The following AKAP13 variants were observed in gnomAD, a reference collection of about 807,000 sequenced individuals.
AKAP13 encodes the protein A-kinase anchor protein 13.
Under a neutral mutation model 264.5 loss-of-function variants are expected in AKAP13, and 80 were observed. The ratio of observed to expected loss-of-function variants is 0.30; its 90% CI spans 0.25 to 0.36. AKAP13 has a LOEUF of 0.36. AKAP13 is among the 10% of genes least tolerant of loss of function. AKAP13 has a pLI of 1.00. For synonymous variants in AKAP13, 1,380 were observed against 1,250.2 expected, an observed-to-expected ratio of 1.10 and a Z score of -2.19; for missense variants, 3,712 against 3,435.2, an observed-to-expected ratio of 1.08 and a Z score of -2.01.
At position 85,579,192 on chromosome 15, in the gene AKAP13, G is replaced by T. The variant is rs757003460; in HGVS notation, c.1124G>T (p.Gly375Val). The change falls in exon 7 of 37, where the codon GGC becomes GTC. Residue 375 changes from glycine to valine, a missense_variant. This residue lies in a region of AKAP13 where 2,759 missense variants were observed against 2,411.7 expected (regional missense o/e 1.14). Transcript: ENST00000394518. ...CGTTCCTGTAGGAAGAAAAATAAAG[G>T]CGTGGAAAGAAAAGGGGAAGAGGTG... ...TDRSCRKKNK[G>V]VERKGEEVEP... 6.2e-7 allele frequency: 1 copy of T among 1,614,212 alleles called. No homozygotes were observed. Among genetic ancestry groups the T allele is most frequent in the East Asian group, 2.2e-5 (1 of 44,886 alleles).
intron 8 of AKAP13, among the ~76,000 whole-genome samples, chr15:85,610,416 G>A (rs984468356): frequency 2.6e-5 from 4 of 152,160 alleles, no homozygotes; most frequent in Non-Finnish European, 4.4e-5. Flanking sequence ...GTATTCAAGT[G>A]TTCTATTTTG....
chr15:85,504,501 T>TAAAAAAAAAAAAAAAA, intron 2 of AKAP13, among the ~76,000 whole-genome samples: 1 of 28,668 alleles, frequency 3.5e-5, no homozygotes. Context: ...ACCCTGTCTT[T>TAAAAAAAAAAAAAAAA]ACAAAAAAAA....
At chr15:85,486,048 A>AT (rs1424321938) in intron 2 of AKAP13, among the ~76,000 whole-genome samples, 6 of 152,174 alleles carry the variant, frequency 3.9e-5, no homozygotes, top group Non-Finnish European at 8.8e-5. Context: ...GTAGCTTCTT[A>AT]TTTTTTACCT....
chr15:85,617,107 G>C (rs903835129), intron 8 of AKAP13, among the ~76,000 whole-genome samples: 1 of 152,194 alleles, frequency 6.6e-6, no homozygotes, highest in African/African-American at 2.4e-5. Flanking sequence ...ACTTCCTGAA[G>C]ACAGACACCT....
chr15:85,442,755 A>G (rs2073755316), intron 1 of AKAP13, among the ~76,000 whole-genome samples: 1 of 151,622 alleles, frequency 6.6e-6, no homozygotes, highest in Non-Finnish European at 1.5e-5. Context: ...TGCAATTGAA[A>G]TAGGGACTCT....
chr15:85,443,461 C>G (rs992945308), intron 1 of AKAP13, among the ~76,000 whole-genome samples: 3 of 152,158 alleles, frequency 2.0e-5, no homozygotes, highest in Non-Finnish European at 2.9e-5. Flanking sequence ...GTAAAATGAA[C>G]TACCTACTCA....
chr15:85,519,989 T>C (rs1459443525), intron 2 of AKAP13, among the ~76,000 whole-genome samples: 1 of 152,194 alleles, frequency 6.6e-6, no homozygotes, highest in Non-Finnish European at 1.5e-5. Context: ...CAGCCTTCTC[T>C]AGATTGATTT....
chr15:85,512,589 T>G (rs2076467342), intron 2 of AKAP13, among the ~76,000 whole-genome samples: 1 of 152,184 alleles, frequency 6.6e-6, no homozygotes, highest in Admixed American at 6.5e-5. Context: ...CTACTTGGAT[T>G]TGAATTCCCG....
intron 17 of AKAP13, among the ~76,000 whole-genome samples, chr15:85,694,222 G>A (rs769408209): frequency 1.7e-4 from 26 of 152,222 alleles, no homozygotes; most frequent in Non-Finnish European, 3.1e-4. Flanking sequence ...GAGCACCTCC[G>A]TGCTCAGGGA....
At chr15:85,637,603 G>T (rs2082120215) in intron 8 of AKAP13, among the ~76,000 whole-genome samples, 2 of 151,804 alleles carry the variant, frequency 1.3e-5, no homozygotes, top group African/African-American at 4.8e-5. Context: ...TGATTTTATT[G>T]TTCTTCTGTA....
At chr15:85,413,798 C>A (rs1443515354) in intron 1 of AKAP13, among the ~76,000 whole-genome samples, 1 of 152,130 alleles carries the variant, frequency 6.6e-6, no homozygotes, top group Non-Finnish European at 1.5e-5. Context: ...CATTTATATT[C>A]ACAGTATCCC....
intron 9 of AKAP13, among the ~76,000 whole-genome samples, chr15:85,641,069 A>C (rs145480310): frequency 6.6e-6 from 1 of 152,274 alleles, no homozygotes; most frequent in East Asian, 1.9e-4. Context: ...GTTTTTGTGA[A>C]TCCCAGGTAC....
At chr15:85,475,319 C>T (rs2075121443) in intron 1 of AKAP13, among the ~76,000 whole-genome samples, 1 of 152,156 alleles carries the variant, frequency 6.6e-6, no homozygotes, top group East Asian at 1.9e-4. Context: ...GACCTCCTGG[C>T]AGCTTATGGT....
chr15:85,478,896 G>A (rs1481976815), intron 1 of AKAP13, among the ~76,000 whole-genome samples: 1 of 151,842 alleles, frequency 6.6e-6, no homozygotes, highest in Non-Finnish European at 1.5e-5. Context: ...CACCAGATTT[G>A]GTCTCCCGAT....
At chr15:85,716,002 C>CTTT (rs71141478) in intron 20 of AKAP13, 79 bp downstream of exon 20, 18,573 of 1,266,658 alleles carry the variant, frequency 0.015, 44 homozygotes, top group East Asian at 0.043. Context: ...TGACAAAAAG[C>CTTT]TTTTTTTTTT....
intron 2 of AKAP13, among the ~76,000 whole-genome samples, chr15:85,500,493 GC>G (rs2076010573): frequency 6.6e-6 from 1 of 152,184 alleles, no homozygotes; most frequent in Admixed American, 6.5e-5. Context: ...CGTGAAGTCA[GC>G]CCACTGAATC....
In AKAP13 at chr15:85,403,709, C is replaced by T. The variant is rs369859122; in HGVS notation, c.-12+22911C>T. On this transcript the variant is annotated intron_variant, in intron 1 of 36. Coordinates refer to ENST00000394518, the MANE Select transcript of AKAP13 (RefSeq NM_007200.5). ...TACAAAAATTAGCCGGGCGTGGTGG[C>T]GCATGTCTGTAATCCCAGCTACTTG... 6.6e-4 allele frequency among the ~76,000 whole-genome samples: 100 copies of T among 151,918 alleles called. No homozygotes were observed. The East Asian group carries it at 9.9e-3, about 15-fold the overall frequency.
chr15:85,592,357 G>A (rs545354468), intron 8 of AKAP13, among the ~76,000 whole-genome samples: 15 of 152,224 alleles, frequency 9.9e-5, no homozygotes, highest in African/African-American at 3.1e-4. Flanking sequence ...AGCTGCCGTG[G>A]GAAAATATGA....
At chr15:85,589,345 G>A (rs566734982) in intron 8 of AKAP13, among the ~76,000 whole-genome samples, 3 of 152,238 alleles carry the variant, frequency 2.0e-5, no homozygotes, top group Admixed American at 2.0e-4. Flanking sequence ...TGTAAACAAA[G>A]GAGTGTCACT....
Sources: allele counts gnomAD v4.1 joint callset (sites outside exome capture counted in the v4.1 genomes callset), GRCh38; gene constraint gnomAD v4.1.1; regional missense constraint gnomAD v4.1.1; transcripts MANE v1.5; gene names NCBI Gene and HGNC (gene_info 2026-07-23, HGNC 2026-07-21).